Variants in MRPS5 observed in about 807,000 individuals in gnomAD.
MRPS5 encodes the protein small ribosomal subunit protein uS5m.
Under a neutral mutation model 51.9 loss-of-function variants are expected in MRPS5, and 27 were observed. The observed-to-expected ratio is 0.52, with a 90% CI of 0.38 to 0.72. MRPS5 has a LOEUF of 0.72. Among genes scored for constraint, MRPS5 ranks in the 30% least tolerant of loss-of-function variants. MRPS5 has a pLI of 0.00. For missense variants in MRPS5, 570 were observed against 545.7 expected, an observed-to-expected ratio of 1.04 and a Z score of -0.44; for synonymous variants, 196 against 193.2, an observed-to-expected ratio of 1.01 and a Z score of -0.12.
intron 3 of MRPS5, among the ~76,000 whole-genome samples, chr2:95,112,859 G>C (rs929568763): frequency 1.3e-5 from 2 of 151,920 alleles, no homozygotes; most frequent in African/African-American, 2.4e-5. Context: ...AAAAAAATTA[G>C]CCGGGCGTGG....
At chr2:95,107,555 G>C (rs544812011) in intron 5 of MRPS5, among the ~76,000 whole-genome samples, 1 of 152,198 alleles carries the variant, frequency 6.6e-6, no homozygotes, top group East Asian at 1.9e-4. Flanking sequence ...ATGTTCTTTG[G>C]AATCTCTCCC....
At chr2:95,095,548 A>C (rs541683811) in intron 10 of MRPS5, among the ~76,000 whole-genome samples, 10 of 152,244 alleles carry the variant, frequency 6.6e-5, no homozygotes, top group Non-Finnish European at 1.5e-4. Context: ...AGGATTAAGA[A>C]ACTCACTCAA....
chr2:95,108,540 G>C (rs1676020563), intron 4 of MRPS5, 132 bp from the exon 5 acceptor site: 2 of 747,556 alleles, frequency 2.7e-6, no homozygotes, highest in East Asian at 5.4e-5. Flanking sequence ...TTATTAACTT[G>C]GTAGGTCACT....
At chr2:95,116,812 C>T (rs773798221) in intron 2 of MRPS5, among the ~76,000 whole-genome samples, 6 of 152,166 alleles carry the variant, frequency 3.9e-5, no homozygotes, top group East Asian at 1.9e-4. Context: ...GCCTGGCCAA[C>T]GTGGTGAAAC....
intron 10 of MRPS5, chr2:95,092,657 A>T (rs1264981930): frequency 6.6e-6 from 1 of 152,242 alleles, no homozygotes; most frequent in Non-Finnish European, 1.5e-5. Context: ...AAACCTGAAA[A>T]ATACAGCTTT....
Position 95,100,997 on chromosome 2 carries a change from T to A in MRPS5, c.811-103A>T, listed in dbSNP as rs146474406. ...AAATGTTTCATTATCAAAAATTCAC[T>A]TACGCAAAAAGGTTAGTATATACTT... On this transcript the variant is annotated intron_variant, in intron 8 of 11. Coordinates refer to ENST00000272418, the MANE Select transcript of MRPS5 (RefSeq NM_031902.5). 12 of 1,036,572 alleles carry A rather than the reference T, an allele frequency of 1.2e-5. No homozygotes were observed. In the East Asian group the frequency reaches 3.1e-4, roughly 27 times the overall value. 64.2% of individuals were successfully genotyped at this position (1,036,572 alleles called of 1,614,324 possible).
intron 11 of MRPS5, 45 bp downstream of exon 11, chr2:95,090,341 A>C: frequency 1.9e-6 from 3 of 1,605,592 alleles, no homozygotes; most frequent in South Asian, 1.1e-5. Flanking sequence ...CACACAACTG[A>C]AATACAAACT....
chr2:95,106,423 C>G lies in MRPS5; in HGVS notation c.672G>C (p.Glu224Asp), dbSNP rs754014336. The G allele has an allele frequency of 1.9e-5, 31 of 1,611,658 alleles. No individual in the cohort carries two copies. The highest frequency in any genetic ancestry group is 2.6e-5 in the Non-Finnish European group (31 of 1,178,164). Residue 224 changes from glutamate to aspartate, a missense_variant and splice_region_variant, in exon 6 of 12, where the codon GAG (glutamate) becomes GAC (aspartate). Transcript: ENST00000272418. The part of the protein sequence containing the change: ...TYEDFDTRIL[E>D]VRNVFTMTAK... Reference sequence around the variant, plus strand: ...CAGGTATTTAATTCTGCATGCCTACCTCAAGTATCCTGGTATCAAAATCCT... The same window carrying G: ...CAGGTATTTAATTCTGCATGCCTACGTCAAGTATCCTGGTATCAAAATCCT...
chr2:95,090,566 A>G lies in MRPS5; in HGVS notation c.932-44T>C, dbSNP rs367813427. The G allele has an allele frequency of 8.1e-6, 13 of 1,611,306 alleles. No homozygotes were observed. The African/African-American group carries it at 1.6e-4, about 20-fold the overall frequency. ...GGTGAAACACAGCCCACTCGCCTGCAGCCGGAGGAGTCACCCTGCTGGCTT... is the reference window on the plus strand; with the variant it reads ...GGTGAAACACAGCCCACTCGCCTGCGGCCGGAGGAGTCACCCTGCTGGCTT... On this transcript the variant is annotated intron_variant, in intron 10 of 11. Transcript: ENST00000272418.
At chr2:95,111,366 A>G (rs1413651827) in intron 3 of MRPS5, among the ~76,000 whole-genome samples, 1 of 152,234 alleles carries the variant, frequency 6.6e-6, no homozygotes, top group Non-Finnish European at 1.5e-5. Context: ...CTTGTAATGG[A>G]GGCATACTAA....
At chr2:95,121,921 C>T (rs1347452947), upstream of MRPS5, 2 of 1,099,226 alleles carry the variant, frequency 1.8e-6, no homozygotes, top group Admixed American at 3.0e-5. Context: ...CACGCAGCAG[C>T]GCAGGCCGGG....
rs148286718 is a variant in MRPS5 at position 95,098,068 on chromosome 2, C to T, written c.931+2406G>A. On this transcript the variant is annotated intron_variant, in intron 10 of 11. Coordinates refer to ENST00000272418, the MANE Select transcript of MRPS5 (RefSeq NM_031902.5). ...TGAACAGACACTTTTCAAAAGAAGA[C>T]ATTTATGCAGCCAACAGACACATGA... 9.7e-3 allele frequency among the ~76,000 whole-genome samples: 1,485 copies of T among 152,322 alleles called. 15 individuals are homozygous for T. Among genetic ancestry groups the T allele is most frequent in the Middle Eastern group, 0.034 (10 of 294 alleles).
intron 6 of MRPS5, 111 bp downstream of exon 6, chr2:95,106,312 A>C: frequency 2.3e-6 from 2 of 873,510 alleles, no homozygotes; most frequent in Non-Finnish European, 3.9e-6. Flanking sequence ...TGTGTGTCAG[A>C]AATAGTCATG....
chr2:95,115,832 C>T (rs910112354), intron 2 of MRPS5, among the ~76,000 whole-genome samples: 1 of 151,744 alleles, frequency 6.6e-6, no homozygotes, highest in African/African-American at 2.4e-5. Flanking sequence ...TTTTTAAACT[C>T]AGGACTTCAT....
At chr2:95,103,881 A>G (rs1675872474) in intron 7 of MRPS5, 1 of 152,224 alleles carries the variant, frequency 6.6e-6, no homozygotes, top group Admixed American at 6.5e-5. Flanking sequence ...TGATAATAAT[A>G]TGAACATAAA....
chr2:95,101,961 C>T (rs1675816953), intron 7 of MRPS5: 1 of 459,246 alleles, frequency 2.2e-6, no homozygotes, highest in African/African-American at 2.0e-5. Context: ...TGAGACCAGC[C>T]TGAACAACAC....
chr2:95,117,826 G>C (rs750025340), intron 2 of MRPS5, 39 bp downstream of exon 2: 1 of 1,477,880 alleles, frequency 6.8e-7, no homozygotes, highest in Non-Finnish European at 9.3e-7. Context: ...TTTGACATTA[G>C]ATCTTATGAG....
intron 1 of MRPS5, among the ~76,000 whole-genome samples, chr2:95,121,042 CG>C (rs879400439): frequency 6.6e-6 from 1 of 152,004 alleles, no homozygotes; most frequent in Non-Finnish European, 1.5e-5. Flanking sequence ...CGCTTGAACC[CG>C]GGAGGCGGAG....
chr2:95,115,465 G>C (rs1269125867), intron 2 of MRPS5, among the ~76,000 whole-genome samples: 3 of 152,166 alleles, frequency 2.0e-5, no homozygotes, highest in Non-Finnish European at 2.9e-5. Context: ...CCATACCGCA[G>C]TTTCAGCACT....
Sources: allele counts gnomAD v4.1 joint callset (sites outside exome capture counted in the v4.1 genomes callset), GRCh38; gene constraint gnomAD v4.1.1; transcripts MANE v1.5; gene names NCBI Gene and HGNC (gene_info 2026-07-23, HGNC 2026-07-21).